Variants in PCLO observed in about 807,000 individuals in gnomAD.
PCLO encodes the protein protein piccolo.
In PCLO, 82 loss-of-function variants were observed where a neutral mutation model predicts 427.5. That is an observed-to-expected ratio of 0.19 (90% CI 0.16 to 0.23). The LOEUF is 0.23. PCLO is among the 10% of genes least tolerant of loss of function. The probability of loss-of-function intolerance (pLI) is 1.00; values close to 1 mark genes in which losing one functional copy is unlikely to be tolerated. For synonymous variants in PCLO, 2,357 were observed against 2,155.4 expected (o/e 1.09, Z -2.59); for missense variants, 6,239 against 6,115.9 (o/e 1.02, Z -0.67).
intron 2 of PCLO, among the ~76,000 whole-genome samples, chr7:83,152,702 C>A (rs945165413): frequency 6.6e-6 from 1 of 152,170 alleles, no homozygotes; most frequent in Non-Finnish European, 1.5e-5. Flanking sequence ...ATGCCCAGCT[C>A]AAATGCCATT....
At chr7:82,880,540 T>A (rs1356547212) in intron 9 of PCLO, 1 of 215,852 alleles carries the variant, frequency 4.6e-6, no homozygotes, top group Non-Finnish European at 1.0e-5. Context: ...TCTTTTCTTT[T>A]AAAGCAGTGG....
rs996206115 is a variant in PCLO, at chr7:83,115,131, G to GA, written c.3300+19118dup. Among the ~76,000 whole-genome samples the GA allele has an allele frequency of 2.3e-3, 342 of 151,758 alleles. 1 individual carries two copies. The highest frequency in any genetic ancestry group is 7.5e-3 in the African/African-American group (310 of 41,440). On this transcript the variant is annotated intron_variant, in intron 3 of 24. Transcript: ENST00000333891. ...GAGTTTCATGAATGCTATGTAAATA[G>GA]AAAAAAAATATTAATGGGCATCCTT...
At chr7:83,160,626 T>C (rs1210268195) in intron 1 of PCLO, among the ~76,000 whole-genome samples, 1 of 152,138 alleles carries the variant, frequency 6.6e-6, no homozygotes, top group African/African-American at 2.4e-5. Context: ...AAGATTTCCA[T>C]CATAATAAAA....
At chr7:83,137,715 G>C (rs539736337) in intron 2 of PCLO, among the ~76,000 whole-genome samples, 1 of 151,712 alleles carries the variant, frequency 6.6e-6, no homozygotes, top group Admixed American at 6.6e-5. Context: ...ACACAGGCAT[G>C]AGCCACCACG....
At chr7:82,980,950 T>C (rs1245261541) in intron 3 of PCLO, among the ~76,000 whole-genome samples, 1 of 151,894 alleles carries the variant, frequency 6.6e-6, no homozygotes. Flanking sequence ...GATGAAAAAA[T>C]TCAAACATAG....
Position 82,916,755 on chromosome 7 carries a change from C to T in PCLO, c.11231G>A (p.Gly3744Asp). 1 of 1,613,624 alleles carries T rather than the reference C, an allele frequency of 6.2e-7. No homozygotes were observed. The highest frequency in any genetic ancestry group is 1.1e-5 in the South Asian group (1 of 91,074). The change falls in exon 7 of 25, where the codon GGC (glycine) becomes GAC (aspartate). Residue 3744 changes from glycine (G) to aspartate (D), a missense_variant. By Grantham distance (94) the Gly-to-Asp change is moderately conservative. This residue lies in a region of PCLO where 4,677 missense variants were observed against 4,468.4 expected (regional missense o/e 1.05). Transcript: ENST00000333891. ...GCAGATCCTTCTCCTGGAAACTGTG[C>T]CCATTGTGCTGAATGTGGATTGAGT... ...TGTQSTFSTM[G>D]TVSRRRICRT...
At chr7:83,038,045 A>ATATATTTATT (rs1788861867) in intron 3 of PCLO, among the ~76,000 whole-genome samples, 1 of 35,202 alleles carries the variant, frequency 2.8e-5, no homozygotes, top group Non-Finnish European at 4.3e-5. Flanking sequence ...ATATTTATAT[A>ATATATTTATT]TATATCTTTA....
intron 3 of PCLO, among the ~76,000 whole-genome samples, chr7:83,038,007 A>ATAT (rs1554382326): frequency 4.8e-5 from 2 of 41,946 alleles, no homozygotes; most frequent in Non-Finnish European, 7.4e-5. Flanking sequence ...ATATATATAT[A>ATAT]TATATATATA....
At chr7:83,113,938 A>C (rs1791067617) in intron 3 of PCLO, among the ~76,000 whole-genome samples, 1 of 152,158 alleles carries the variant, frequency 6.6e-6, no homozygotes, top group Non-Finnish European at 1.5e-5. Flanking sequence ...ATATATAAAA[A>C]AACTCATTTT....
chr7:83,162,868 C>G lies in PCLO; in HGVS notation c.-276G>C, dbSNP rs745470059. On this transcript the variant is annotated 5_prime_UTR_variant, in exon 1 of 25. Coordinates refer to ENST00000333891, the MANE Select transcript of PCLO (RefSeq NM_033026.6). The stretch of plus-strand genomic sequence containing the variant: ...CGGACGCCGCCTCGGCGCCCCGAGC[C>G]GGGGAGAAGCAGATCTGAGCGGTGC... 34 of 491,808 alleles carry G rather than the reference C, an allele frequency of 6.9e-5. No homozygotes were observed. Among genetic ancestry groups the G allele is most frequent in the South Asian group, 2.4e-4 (9 of 37,946 alleles). 30.5% of individuals were successfully genotyped at this position (491,808 alleles called of 1,614,324 possible). A position where few individuals can be genotyped will look rare whatever the true frequency, so the allele number is the denominator to read the frequency against.
intron 9 of PCLO, among the ~76,000 whole-genome samples, chr7:82,891,533 C>T (rs904094648): frequency 2.0e-5 from 3 of 151,932 alleles, no homozygotes; most frequent in Admixed American, 2.0e-4. Flanking sequence ...TTATTTCCTT[C>T]TCCTGCCTGA....
chr7:82,758,759 T>A (rs1241338114), intron 24 of PCLO, 44 bp from the exon 25 acceptor site: 28 of 1,171,198 alleles, frequency 2.4e-5, no homozygotes, highest in Non-Finnish European at 3.5e-5. Flanking sequence ...TTTATACACA[T>A]ATACATGTGT....
intron 3 of PCLO, among the ~76,000 whole-genome samples, chr7:83,087,051 C>T (rs940726739): frequency 1.7e-4 from 21 of 124,358 alleles, no homozygotes; most frequent in Non-Finnish European, 2.5e-4. Flanking sequence ...GGGAACGTCA[C>T]GCACTGGGGC....
rs760406386 is a variant in PCLO, at chr7:82,763,704, T to C, written c.15008-2211A>G. Among the ~76,000 whole-genome samples the C allele has an allele frequency of 3.7e-4, 57 of 152,176 alleles. 1 individual carries two copies. The highest frequency in any genetic ancestry group is 1.7e-3 in the South Asian group (8 of 4,828). ...CTCTCTTCCTCTGTCAAAAAACTAATACTGTAGTCCAAAAATTGACAAAAT... is the reference window on the plus strand; with the variant it reads ...CTCTCTTCCTCTGTCAAAAAACTAACACTGTAGTCCAAAAATTGACAAAAT... On this transcript the variant is annotated intron_variant, in intron 22 of 24. Coordinates refer to ENST00000333891, the MANE Select transcript of PCLO (RefSeq NM_033026.6).
intron 10 of PCLO, among the ~76,000 whole-genome samples, chr7:82,848,135 T>C (rs765251805): frequency 1.6e-4 from 25 of 151,938 alleles, no homozygotes; most frequent in Non-Finnish European, 3.5e-4. Flanking sequence ...GTCAAAATCA[T>C]TGAGGGGTCC....
chr7:82,770,737 G>A (rs1790629668), intron 22 of PCLO, among the ~76,000 whole-genome samples: 2 of 151,664 alleles, frequency 1.3e-5, no homozygotes, highest in Non-Finnish European at 3.0e-5. Context: ...AAGGCCTTCT[G>A]ACTCTGGTAC....
At chr7:83,092,488 G>A (rs964102894) in intron 3 of PCLO, among the ~76,000 whole-genome samples, 2 of 152,094 alleles carry the variant, frequency 1.3e-5, no homozygotes, top group African/African-American at 4.8e-5. Context: ...CTGGGGGCCA[G>A]TCCAAGAAGT....
intron 16 of PCLO, among the ~76,000 whole-genome samples, chr7:82,830,440 A>G (rs1792066238): frequency 6.6e-6 from 1 of 151,902 alleles, no homozygotes; most frequent in Admixed American, 6.6e-5. Context: ...AATACATAGA[A>G]AGAGTTAATA....
Position 82,948,735 on chromosome 7 carries a change from A to C in PCLO, c.11112+741T>G, listed in dbSNP as rs186929763. ...TCTGTATATGTTCTTCTCCCCTTGA[A>C]GCATACCTATATATTTGAAAATAAT... On this transcript the variant is annotated intron_variant, in intron 6 of 24. Transcript: ENST00000333891. Among the ~76,000 whole-genome samples, 7 of 152,282 alleles carry C rather than the reference A, an allele frequency of 4.6e-5. No individual in the cohort carries two copies. In the East Asian group the frequency reaches 1.4e-3, roughly 29 times the overall value.
Sources: allele counts gnomAD v4.1 joint callset (sites outside exome capture counted in the v4.1 genomes callset), GRCh38; gene constraint gnomAD v4.1.1; regional missense constraint gnomAD v4.1.1; transcripts MANE v1.5; gene names NCBI Gene and HGNC (gene_info 2026-07-23, HGNC 2026-07-21).